The following UTP4 variants were observed in gnomAD, a reference collection of about 807,000 sequenced individuals.
UTP4 encodes the protein UTP4 small subunit processome component.
A neutral mutation model predicts 82.4 loss-of-function variants in UTP4; 45 were observed. The observed-to-expected ratio is 0.55, with a 90% CI of 0.43 to 0.70. The LOEUF (loss-of-function observed/expected upper bound fraction) is 0.70, where lower values mean the gene tolerates loss of function less well. Among genes scored for constraint, UTP4 ranks in the 30% least tolerant of loss-of-function variants. The probability of loss-of-function intolerance (pLI) is 0.00; values close to 1 mark genes in which losing one functional copy is unlikely to be tolerated. For synonymous variants in UTP4, 348 were observed against 300.3 expected (o/e 1.16, Z -1.64); for missense variants, 819 against 858.3 (o/e 0.95, Z 0.57).
intron 2 of UTP4, among the ~76,000 whole-genome samples, chr16:69,135,885 G>A (rs895833217): frequency 1.6e-4 from 24 of 152,072 alleles, no homozygotes; most frequent in African/African-American, 4.1e-4. Flanking sequence ...AAAAAATAGC[G>A]GGACGTGGTG....
intron 11 of UTP4, among the ~76,000 whole-genome samples, chr16:69,156,706 C>G (rs1263261873): frequency 2.0e-5 from 3 of 152,220 alleles, no homozygotes; most frequent in Admixed American, 6.5e-5. Context: ...GATCCACCCC[C>G]TCAGCCTCCC....
At chr16:69,138,499 C>G (rs1325415410) in intron 4 of UTP4, among the ~76,000 whole-genome samples, 1 of 152,146 alleles carries the variant, frequency 6.6e-6, no homozygotes, top group Non-Finnish European at 1.5e-5. Flanking sequence ...GCCTTGGCCT[C>G]AAGTGCTGGG....
intron 6 of UTP4, among the ~76,000 whole-genome samples, chr16:69,146,101 A>AC (rs1248126403): frequency 1.3e-5 from 2 of 151,890 alleles, no homozygotes; most frequent in Non-Finnish European, 2.9e-5. Flanking sequence ...TGTCTCAAAA[A>AC]AAAAAAAAGA....
Position 69,150,815 on chromosome 16 carries a change from A to G in UTP4, c.913A>G (p.Thr305Ala). 1.2e-6 allele frequency: 2 copies of G among 1,614,008 alleles called. No homozygotes were observed. Among genetic ancestry groups the G allele is most frequent in the Non-Finnish European group, 1.7e-6 (2 of 1,179,912 alleles). ...HSPTALISGG[T>A]DTHLVFRPLM... is the part of the protein sequence containing the mutation. ...CACCTTCTCCCCTGCTTTCCCAGGC[A>G]CTGACACCCACTTAGTCTTTCGTCC... The change falls in exon 8 of 17, where the codon ACT becomes GCT. Residue 305 changes from threonine to alanine, a missense_variant and splice_region_variant. Coordinates refer to ENST00000314423, the MANE Select transcript of UTP4 (RefSeq NM_032830.3).
chr16:69,161,753 C>T (rs1963566274), intron 13 of UTP4, among the ~76,000 whole-genome samples: 2 of 152,178 alleles, frequency 1.3e-5, no homozygotes, highest in African/African-American at 4.8e-5. Context: ...CAGCCTTGAC[C>T]TCTCTGCTCA....
At position 69,162,228 on chromosome 16, in the gene UTP4, A is replaced by G. The variant is rs561001875; in HGVS notation, c.1552-855A>G. Among the ~76,000 whole-genome samples, 8 of 150,936 alleles carry G rather than the reference A, an allele frequency of 5.3e-5. No homozygotes were observed. In the East Asian group the frequency reaches 1.2e-3, roughly 23 times the overall value. ...GTGATCCGCCTGCCTTGGCCTCCCA[A>G]AGTGCTGGGATTATAGGCATGAGCC... On this transcript the variant is annotated intron_variant, in intron 13 of 16. Coordinates refer to ENST00000314423, the MANE Select transcript of UTP4 (RefSeq NM_032830.3).
chr16:69,133,028 C>G, intron 1 of UTP4: 1 of 268,206 alleles, frequency 3.7e-6, no homozygotes, highest in Non-Finnish European at 7.3e-6. Flanking sequence ...TGACAGACGT[C>G]AGACCAGGCA....
chr16:69,138,909 T>C (rs1962884228), intron 4 of UTP4: 1 of 151,770 alleles, frequency 6.6e-6, no homozygotes, highest in African/African-American at 2.4e-5. Flanking sequence ...GTAATACTTA[T>C]CCTCTGCTAA....
chr16:69,133,669 A>T lies in UTP4; in HGVS notation c.159+51A>T, dbSNP rs780679875. The T allele has an allele frequency of 1.1e-5, 18 of 1,578,276 alleles. No homozygotes were observed. The South Asian group carries it at 2.0e-4, about 17-fold the overall frequency. On this transcript the variant is annotated intron_variant, in intron 2 of 16. Coordinates refer to ENST00000314423, the MANE Select transcript of UTP4 (RefSeq NM_032830.3). ...GTGTTTTGATGTTAATTTCTTCTGAAGTTCAAGAAGCTTGTATGTCTTTTA... is the reference window on the plus strand; with the variant it reads ...GTGTTTTGATGTTAATTTCTTCTGATGTTCAAGAAGCTTGTATGTCTTTTA...
chr16:69,150,534 C>T lies in UTP4; in HGVS notation c.739-3C>T, dbSNP rs762886361. The T allele has an allele frequency of 4.3e-6, 7 of 1,614,064 alleles. No homozygotes were observed. The highest frequency in any genetic ancestry group is 2.2e-5 in the East Asian group (1 of 44,902). On this transcript the variant is annotated splice_region_variant and splice_polypyrimidine_tract_variant and intron_variant, in intron 6 of 16. Coordinates refer to ENST00000314423, the MANE Select transcript of UTP4 (RefSeq NM_032830.3). Reference sequence around the variant, plus strand: ...GTACCTCCCTCATGATTTAATTCCTCAGCAAGAAGACAGTTTCGTGGTGGG... The same window carrying T: ...GTACCTCCCTCATGATTTAATTCCTTAGCAAGAAGACAGTTTCGTGGTGGG...
chr16:69,151,941 G>A (rs1247670263), intron 8 of UTP4, among the ~76,000 whole-genome samples: 1 of 151,234 alleles, frequency 6.6e-6, no homozygotes, highest in African/African-American at 2.4e-5. Context: ...CACACCTGCT[G>A]CCCCATTCAT....
intron 16 of UTP4, among the ~76,000 whole-genome samples, chr16:69,168,272 TA>T (rs1279032476): frequency 2.0e-5 from 3 of 151,078 alleles, no homozygotes; most frequent in Non-Finnish European, 4.4e-5. Context: ...CCATCTCTAC[TA>T]AAAATACAAA....
chr16:69,150,771 G>A, intron 7 of UTP4, 42 bp from the exon 8 acceptor site: 1 of 1,613,478 alleles, frequency 6.2e-7, no homozygotes, highest in South Asian at 1.1e-5. Flanking sequence ...TTCTCGTGAG[G>A]ATGACTTCTA....
Position 69,143,404 on chromosome 16 carries a change from T to C in UTP4, c.738+15T>C. 1 of 1,610,832 alleles carries C rather than the reference T, an allele frequency of 6.2e-7. No homozygotes were observed. The highest frequency in any genetic ancestry group is 8.5e-7 in the Non-Finnish European group (1 of 1,177,062). The stretch of plus-strand genomic sequence containing the variant: ...CTGTAGCTGACGTGAGTACAGTCCC[T>C]GTTTAGAGTGGTTGATGTACACCCT... On this transcript the variant is annotated intron_variant, in intron 6 of 16. Transcript: ENST00000314423.
At chr16:69,154,037 A>C (rs1179766177) in intron 9 of UTP4, among the ~76,000 whole-genome samples, 3 of 152,166 alleles carry the variant, frequency 2.0e-5, no homozygotes, top group Admixed American at 2.0e-4. Context: ...AAAGAAGATC[A>C]CATGGATCTT....
intron 12 of UTP4, among the ~76,000 whole-genome samples, chr16:69,158,875 G>A (rs961862517): frequency 6.6e-6 from 1 of 152,096 alleles, no homozygotes; most frequent in African/African-American, 2.4e-5. Context: ...TTGGCATAGA[G>A]CATCACTGTC....
intron 6 of UTP4, among the ~76,000 whole-genome samples, chr16:69,150,254 TTC>T (rs768088490): frequency 1.1e-4 from 16 of 152,204 alleles, no homozygotes; most frequent in African/African-American, 2.4e-4. Context: ...CCTAGGTATT[TTC>T]TCTCTCTCAA....
At chr16:69,145,200 G>A (rs1315790642) in intron 6 of UTP4, among the ~76,000 whole-genome samples, 1 of 152,066 alleles carries the variant, frequency 6.6e-6, no homozygotes, top group Non-Finnish European at 1.5e-5. Context: ...AGAATACAGA[G>A]TAAAGGAGAA....
intron 6 of UTP4, among the ~76,000 whole-genome samples, chr16:69,149,589 C>T (rs1597142079): frequency 6.6e-6 from 1 of 152,018 alleles, no homozygotes; most frequent in Non-Finnish European, 1.5e-5. Context: ...GATGAGGTCT[C>T]ACTATGTTGT....
Sources: gnomAD v4.1 joint callset for allele counts (sites outside exome capture counted in the v4.1 genomes callset) on GRCh38, gnomAD v4.1.1 for gene constraint, MANE v1.5 for transcripts, NCBI Gene and HGNC (gene_info 2026-07-23, HGNC 2026-07-21) for gene names.